The following MYCT1 variants were observed in gnomAD, a reference collection of about 807,000 sequenced individuals.
MYCT1 encodes the protein myc target protein 1.
In MYCT1, 12 loss-of-function variants were observed where a neutral mutation model predicts 15.0. The ratio of observed to expected loss-of-function variants is 0.80; its 90% confidence interval spans 0.51 to 1.29. MYCT1 has a LOEUF of 1.29. Ranked by LOEUF, MYCT1 falls within the 50% of genes most tolerant of loss-of-function variation. MYCT1 has a pLI of 0.00. For missense variants in MYCT1, 287 were observed against 279.1 expected, an observed-to-expected ratio of 1.03 and a Z score of -0.20; for synonymous variants, 104 against 102.7, an observed-to-expected ratio of 1.01 and a Z score of -0.07.
intron 1 of MYCT1, among the ~76,000 whole-genome samples, chr6:152,705,279 C>A (rs1004274114): frequency 6.6e-6 from 1 of 152,132 alleles, no homozygotes; most frequent in South Asian, 2.1e-4. Context: ...TAACACCAAG[C>A]CTATTTTATT....
At chr6:152,741,305 A>G in the MYCT1 span, among the ~76,000 whole-genome samples, 2 of 152,190 alleles carry the variant, frequency 1.3e-5, no homozygotes, top group Admixed American at 1.3e-4. Flanking sequence ...TCTTTTTCAC[A>G]TAAGAACATT....
chr6:152,736,880 T>G, the MYCT1 span, among the ~76,000 whole-genome samples: 2 of 152,148 alleles, frequency 1.3e-5, no homozygotes, highest in African/African-American at 2.4e-5. Flanking sequence ...TTAGTGCTAA[T>G]TGGTAGAGAA....
chr6:152,737,749 G>T, the MYCT1 span, among the ~76,000 whole-genome samples: 5 of 152,154 alleles, frequency 3.3e-5, no homozygotes, highest in South Asian at 1.0e-3. Context: ...TTCAAGACCT[G>T]GTATAATGCA....
chr6:152,727,248 C>T (rs559866249), downstream of MYCT1, among the ~76,000 whole-genome samples: 5 of 151,850 alleles, frequency 3.3e-5, no homozygotes, highest in African/African-American at 4.8e-5. Flanking sequence ...CACTAAACCT[C>T]ATTTGTGCCC....
In MYCT1 at chr6:152,724,059, C is replaced by T. The variant is rs1037744906; in HGVS notation, c.*1806C>T. ...CTTAATAATGCTTATAGAAAATGTT[C>T]TCTAATTAAACATGCCAAAAGGAAA... On this transcript the variant is annotated 3_prime_UTR_variant, in exon 2 of 2. Transcript: ENST00000367245. The T allele has an allele frequency of 1.3e-5, 2 of 151,888 alleles. No homozygotes were observed. The highest frequency in any genetic ancestry group is 6.6e-5 in the Admixed American group (1 of 15,224). The allele number at this position is 151,888 out of a possible 1,614,324, so 9.4% of individuals were successfully genotyped here.
At chr6:152,702,364 G>A (rs1484754320) in intron 1 of MYCT1, among the ~76,000 whole-genome samples, 2 of 152,160 alleles carry the variant, frequency 1.3e-5, no homozygotes, top group Non-Finnish European at 2.9e-5. Flanking sequence ...CAGTAAAAAT[G>A]TTGGCTTTCA....
chr6:152,734,179 C>T, the MYCT1 span, among the ~76,000 whole-genome samples: 2 of 152,066 alleles, frequency 1.3e-5, no homozygotes, highest in Non-Finnish European at 2.9e-5. Context: ...CATACTCTTC[C>T]TCAATCATAA....
At chr6:152,705,374 A>G (rs564248707) in intron 1 of MYCT1, among the ~76,000 whole-genome samples, 1 of 152,304 alleles carries the variant, frequency 6.6e-6, no homozygotes, top group East Asian at 1.9e-4. Context: ...CTGGAAGTAC[A>G]GTTTCTACTG....
chr6:152,732,950 A>G, the MYCT1 span, among the ~76,000 whole-genome samples: 1 of 152,244 alleles, frequency 6.6e-6, no homozygotes, highest in Admixed American at 6.5e-5. Flanking sequence ...TCCTGGGCAT[A>G]CACATGGCCC....
In MYCT1 at chr6:152,698,031, A is replaced by G. The variant is rs760095190; in HGVS notation, c.129A>G (p.Leu43=). Residue 43 remains leucine, a synonymous_variant, in exon 1 of 2, where the codon CTA becomes CTG. Transcript: ENST00000367245. Reference sequence around the variant, plus strand: ...TTTCTGTTTTTCTTCTCTTTCTTCTATTTCTTGTGGATATTATGGCTAATA... The same window carrying G: ...TTTCTGTTTTTCTTCTCTTTCTTCTGTTTCTTGTGGATATTATGGCTAATA... ...VFLSVFLLFL[L]FLVDIMANNT... The G allele has an allele frequency of 1.2e-5, 20 of 1,610,332 alleles. No individual in the cohort carries two copies. Among genetic ancestry groups the G allele is most frequent in the Admixed American group, 3.4e-5 (2 of 59,360 alleles).
At chr6:152,706,869 G>GTGTGTGTGTATGTGTA (rs1288145912) in intron 1 of MYCT1, among the ~76,000 whole-genome samples, 7 of 151,840 alleles carry the variant, frequency 4.6e-5, no homozygotes, top group African/African-American at 1.7e-4. Context: ...GTGTGTGTGT[G>GTGTGTGTGTATGTGTA]TGTGTATGCA....
At chr6:152,713,920 T>C (rs2129069648) in intron 1 of MYCT1, among the ~76,000 whole-genome samples, 1 of 152,276 alleles carries the variant, frequency 6.6e-6, no homozygotes, top group South Asian at 2.1e-4. Context: ...GACTAGTACT[T>C]GCTGTTCTTT....
the MYCT1 span, among the ~76,000 whole-genome samples, chr6:152,734,320 G>A: frequency 7.2e-5 from 11 of 152,094 alleles, no homozygotes; most frequent in Non-Finnish European, 1.3e-4. Flanking sequence ...ATAAATCTCC[G>A]ACTTCATGAA....
the MYCT1 span, among the ~76,000 whole-genome samples, chr6:152,736,428 G>A: frequency 6.6e-6 from 1 of 152,084 alleles, no homozygotes. Flanking sequence ...ATATCAATGA[G>A]GCAGGATTCA....
chr6:152,744,617 G>A, the MYCT1 span, among the ~76,000 whole-genome samples: 2,123 of 152,214 alleles, frequency 0.014, 48 homozygotes, highest in African/African-American at 0.049. Flanking sequence ...TGAATCTTGC[G>A]GGAGGAATGT....
At chr6:152,703,634 C>G (rs1196880425) in intron 1 of MYCT1, among the ~76,000 whole-genome samples, 1 of 152,044 alleles carries the variant, frequency 6.6e-6, no homozygotes, top group Non-Finnish European at 1.5e-5. Flanking sequence ...AGTTTACATA[C>G]AATGAAACAT....
chr6:152,712,678 A>G (rs1415947997), intron 1 of MYCT1, among the ~76,000 whole-genome samples: 1 of 152,026 alleles, frequency 6.6e-6, no homozygotes, highest in East Asian at 1.9e-4. Context: ...TTATTTCACT[A>G]CTATACTTAA....
chr6:152,718,450 C>T (rs1443916720), intron 1 of MYCT1, among the ~76,000 whole-genome samples: 1 of 151,786 alleles, frequency 6.6e-6, no homozygotes, highest in African/African-American at 2.4e-5. Context: ...GAGACAGGTC[C>T]CATTATGTTG....
At chr6:152,698,879 G>C (rs1201340659) in intron 1 of MYCT1, among the ~76,000 whole-genome samples, 1 of 152,174 alleles carries the variant, frequency 6.6e-6, no homozygotes, top group East Asian at 1.9e-4. Flanking sequence ...CAATGGGACT[G>C]TGCTGAGGTC....
Sources: gnomAD v4.1 joint callset for allele counts (sites outside exome capture counted in the v4.1 genomes callset) on GRCh38, gnomAD v4.1.1 for gene constraint, MANE v1.5 for transcripts, NCBI Gene and HGNC (gene_info 2026-07-23, HGNC 2026-07-21) for gene names.